VWA3B: variants seen among roughly 807,000 people sequenced by gnomAD.
The protein encoded by VWA3B is von Willebrand factor A domain-containing protein 3B.
In VWA3B, 138 loss-of-function variants were observed where a neutral mutation model predicts 158.3. That is an observed-to-expected ratio of 0.87 (90% CI 0.76 to 1.00). The LOEUF (loss-of-function observed/expected upper bound fraction) is 1.00, where lower values mean the gene tolerates loss of function less well. Among genes scored for constraint, VWA3B ranks in the 50% least tolerant of loss-of-function variants. The pLI, the probability that VWA3B is intolerant of heterozygous loss-of-function variation, is 0.00. For synonymous variants in VWA3B, 596 were observed against 587.3 expected (o/e 1.01, Z -0.21); for missense variants, 1,555 against 1,565.1 (o/e 0.99, Z 0.11).
intron 6 of VWA3B, among the ~76,000 whole-genome samples, chr2:98,129,010 A>G (rs1675605208): frequency 1.3e-5 from 2 of 152,332 alleles, no homozygotes; most frequent in South Asian, 4.1e-4. Context: ...GAACTGGGCT[A>G]GTCAGCTTGG....
chr2:98,119,106 A>C (rs1674752974), intron 3 of VWA3B, among the ~76,000 whole-genome samples: 1 of 152,218 alleles, frequency 6.6e-6, no homozygotes, highest in Non-Finnish European at 1.5e-5. Context: ...TGGCATGTTC[A>C]GTAGCATTTT....
chr2:98,206,960 T>C (rs1683073891), intron 12 of VWA3B: 4 of 479,406 alleles, frequency 8.3e-6, no homozygotes, highest in South Asian at 6.1e-5. Context: ...TAAGGTCAGA[T>C]GAATGAACCA....
intron 7 of VWA3B, among the ~76,000 whole-genome samples, chr2:98,141,807 G>A (rs1237356525): frequency 6.6e-6 from 1 of 152,190 alleles, no homozygotes; most frequent in East Asian, 1.9e-4. Context: ...TGACTTCCAG[G>A]AGGCCACACC....
chr2:98,151,664 C>G (rs1677644791), intron 7 of VWA3B, among the ~76,000 whole-genome samples: 1 of 152,184 alleles, frequency 6.6e-6, no homozygotes, highest in Non-Finnish European at 1.5e-5. Flanking sequence ...GGGATCAGAC[C>G]TGGATTCAAA....
At chr2:98,302,584 C>A (rs759561018) in intron 25 of VWA3B, among the ~76,000 whole-genome samples, 45 of 152,236 alleles carry the variant, frequency 3.0e-4, no homozygotes, top group Middle Eastern at 6.8e-3. Flanking sequence ...CCAATCCAAG[C>A]GCTTTACACA....
At chr2:98,172,898 A>G (rs1679715777) in intron 8 of VWA3B, among the ~76,000 whole-genome samples, 2 of 152,184 alleles carry the variant, frequency 1.3e-5, no homozygotes, top group African/African-American at 4.8e-5. Context: ...GGTGAAGTGA[A>G]CATTCTTGGT....
the VWA3B span, among the ~76,000 whole-genome samples, chr2:98,319,351 TAAAG>T: frequency 1.3e-5 from 2 of 151,614 alleles, no homozygotes; most frequent in African/African-American, 4.8e-5. Context: ...AAAGACAACA[TAAAG>T]AAAGTCAAAA....
chr2:98,182,358 C>T (rs969593558), intron 9 of VWA3B, among the ~76,000 whole-genome samples: 3 of 152,198 alleles, frequency 2.0e-5, no homozygotes, highest in South Asian at 2.1e-4. Context: ...GGGCACTGTC[C>T]GTCGGGGCTA....
Position 98,256,148 on chromosome 2 carries a change from A to G in VWA3B, c.2817A>G (p.Arg939=). The change falls in exon 21 of 28, where the codon CGA becomes CGG. Residue 939 remains arginine (R), a synonymous_variant. Coordinates refer to ENST00000477737, the MANE Select transcript of VWA3B (RefSeq NM_144992.5). Reference sequence around the variant, plus strand: ...GGCGCTTGAATAAAATTGTTTGGCGAGCATTATCTCAAGAGGAAAAAGAAA... The same window carrying G: ...GGCGCTTGAATAAAATTGTTTGGCGGGCATTATCTCAAGAGGAAAAAGAAA... ...YEKRLNKIVW[R]ALSQEEKEKL... 6.2e-7 allele frequency: 1 copy of G among 1,613,136 alleles called. No individual in the cohort carries two copies. The highest frequency in any genetic ancestry group is 2.2e-5 in the East Asian group (1 of 44,884).
At chr2:98,183,191 T>C (rs1574012576) in intron 9 of VWA3B, among the ~76,000 whole-genome samples, 1 of 120,972 alleles carries the variant, frequency 8.3e-6, no homozygotes, top group South Asian at 2.4e-4. Flanking sequence ...ACAGCTCCCT[T>C]TTTTTTTTTT....
chr2:98,300,052 A>G, intron 24 of VWA3B, 27 bp from the exon 25 acceptor site: 1 of 1,613,998 alleles, frequency 6.2e-7, no homozygotes. Flanking sequence ...CATAAGCAAA[A>G]TATTTGCTCT....
chr2:98,191,530 T>C (rs1681569422), intron 10 of VWA3B, among the ~76,000 whole-genome samples: 1 of 152,232 alleles, frequency 6.6e-6, no homozygotes. Context: ...TATGTTAGAA[T>C]AGATCTAGGG....
intron 7 of VWA3B, among the ~76,000 whole-genome samples, chr2:98,157,034 C>A (rs748902930): frequency 5.9e-5 from 9 of 152,106 alleles, no homozygotes; most frequent in Non-Finnish European, 1.0e-4. Flanking sequence ...ATTACATTTG[C>A]ATTTTACAGT....
intron 21 of VWA3B, among the ~76,000 whole-genome samples, chr2:98,267,512 C>T (rs1687919412): frequency 6.6e-6 from 1 of 151,900 alleles, no homozygotes; most frequent in Non-Finnish European, 1.5e-5. Flanking sequence ...ACACAACATA[C>T]CAGAATCTCT....
intron 1 of VWA3B, among the ~76,000 whole-genome samples, chr2:98,091,936 G>T (rs1682322609): frequency 6.6e-6 from 1 of 152,230 alleles, no homozygotes; most frequent in African/African-American, 2.4e-5. Context: ...TTGCATTATA[G>T]TTTGGCCCCA....
At chr2:98,318,113 A>G (rs529580070), downstream of VWA3B, among the ~76,000 whole-genome samples, 3 of 152,330 alleles carry the variant, frequency 2.0e-5, no homozygotes, top group South Asian at 6.2e-4. Flanking sequence ...ATGCTTTTAC[A>G]CAGTTGGTGG....
intron 13 of VWA3B, among the ~76,000 whole-genome samples, chr2:98,214,139 T>G (rs866312166): frequency 6.6e-6 from 1 of 151,652 alleles, no homozygotes; most frequent in Non-Finnish European, 1.5e-5. Flanking sequence ...TGCAGTGAGC[T>G]ATGATCGTGC....
chr2:98,243,308 C>A (rs62156712), intron 19 of VWA3B, among the ~76,000 whole-genome samples: 5,904 of 152,018 alleles, frequency 0.039, 169 homozygotes, highest in Middle Eastern at 0.075. Flanking sequence ...TTATTTTCTA[C>A]AAGTTTAGAT....
At chr2:98,246,287 C>T (rs1051918818) in intron 19 of VWA3B, among the ~76,000 whole-genome samples, 4 of 152,130 alleles carry the variant, frequency 2.6e-5, no homozygotes, top group African/African-American at 9.7e-5. Flanking sequence ...TTGCAGCCAC[C>T]TGTGCAACTC....
Sources: gnomAD v4.1 joint callset for allele counts (sites outside exome capture counted in the v4.1 genomes callset) on GRCh38, gnomAD v4.1.1 for gene constraint, MANE v1.5 for transcripts, NCBI Gene and HGNC (gene_info 2026-07-23, HGNC 2026-07-21) for gene names.